PLEKHA8: variants seen among roughly 807,000 people sequenced by gnomAD.
The protein encoded by PLEKHA8 is pleckstrin homology domain containing A8.
A neutral mutation model predicts 68.2 loss-of-function variants in PLEKHA8; 36 were observed. The observed-to-expected ratio is 0.53, with a 90% CI of 0.40 to 0.70. The LOEUF (loss-of-function observed/expected upper bound fraction) is 0.70, where lower values mean the gene tolerates loss of function less well. Among genes scored for constraint, PLEKHA8 ranks in the 30% least tolerant of loss-of-function variants. The pLI, the probability that PLEKHA8 is intolerant of heterozygous loss-of-function variation, is 0.00. For missense variants in PLEKHA8, 505 were observed against 615.4 expected, an observed-to-expected ratio of 0.82 and a Z score of 1.90; for synonymous variants, 211 against 216.1, an observed-to-expected ratio of 0.98 and a Z score of 0.20.
intron 13 of PLEKHA8, among the ~76,000 whole-genome samples, chr7:30,110,814 C>T (rs1462420862): frequency 6.6e-6 from 1 of 151,724 alleles, no homozygotes; most frequent in Non-Finnish European, 1.5e-5. Context: ...AGCATCTTTT[C>T]ATGTGCTTAT....
At chr7:30,045,665 A>C (rs866568429) in intron 2 of PLEKHA8, among the ~76,000 whole-genome samples, 4 of 152,158 alleles carry the variant, frequency 2.6e-5, no homozygotes, top group Non-Finnish European at 4.4e-5. Flanking sequence ...CGGAAGAAAA[A>C]CAGATTAAAT....
rs1185675559 is a variant in PLEKHA8, at chr7:30,084,541, A to G, written c.*5754A>G. On this transcript the variant is annotated 3_prime_UTR_variant, in exon 14 of 14. Transcript: ENST00000449726. ...TTCTCTGTCCAAGTCCTTATTCTCT[A>G]TCTTGTGGGGAGGGGTGACAGGGGA... 16 of 985,172 alleles carry G rather than the reference A, an allele frequency of 1.6e-5. No homozygotes were observed. Among genetic ancestry groups the G allele is most frequent in the East Asian group, 1.1e-4 (1 of 8,826 alleles). The allele number at this position is 985,172 out of a possible 1,614,324, so 61.0% of individuals were successfully genotyped here.
intron 13 of PLEKHA8, among the ~76,000 whole-genome samples, chr7:30,110,560 C>T (rs1201891529): frequency 6.6e-6 from 1 of 152,164 alleles, no homozygotes; most frequent in African/African-American, 2.4e-5. Flanking sequence ...ATTGCTTGGT[C>T]ATATGGTAAC....
At chr7:30,085,052 C>T (rs759636471), downstream of PLEKHA8, among the ~76,000 whole-genome samples, 1 of 150,984 alleles carries the variant, frequency 6.6e-6, no homozygotes, top group Non-Finnish European at 1.5e-5. Context: ...TCAAGGGATT[C>T]TCATGCCTCA....
Position 30,081,059 on chromosome 7 carries a change from C to A in PLEKHA8, c.*2272C>A. On this transcript the variant is annotated 3_prime_UTR_variant, in exon 14 of 14. Coordinates refer to ENST00000449726, the MANE Select transcript of PLEKHA8 (RefSeq NM_001197026.2). ...TTGCCACCGCAACTCTGAATACACA[C>A]AAAAGGAAAGCTGCTCAGCATGGCC... The A allele has an allele frequency of 2.0e-6, 2 of 985,288 alleles. No individual in the cohort carries two copies. The highest frequency in any genetic ancestry group is 2.4e-6 in the Non-Finnish European group (2 of 829,912). The allele number at this position is 985,288 out of a possible 1,614,324, so 61.0% of individuals were successfully genotyped here. A position where few individuals can be genotyped will look rare whatever the true frequency, so the allele number is the denominator to read the frequency against.
downstream of PLEKHA8, among the ~76,000 whole-genome samples, chr7:30,092,481 C>T (rs974219382): frequency 3.9e-5 from 6 of 152,072 alleles, no homozygotes; most frequent in Non-Finnish European, 5.9e-5. Context: ...CTACCATTTC[C>T]TTGCCTGAGC....
At chr7:30,052,436 A>G (rs10227745) in intron 6 of PLEKHA8, among the ~76,000 whole-genome samples, 8,527 of 152,220 alleles carry the variant, frequency 0.056, 366 homozygotes, top group Middle Eastern at 0.078. Context: ...CAGGTGGTCA[A>G]GACCAACCTG....
chr7:30,067,185 C>T (rs900396900), intron 12 of PLEKHA8, among the ~76,000 whole-genome samples: 4 of 152,238 alleles, frequency 2.6e-5, no homozygotes, highest in African/African-American at 9.6e-5. Context: ...AGAGGTTACT[C>T]TCCTAGTAGC....
chr7:30,099,024 G>T (rs1795746348), intron 13 of PLEKHA8, among the ~76,000 whole-genome samples: 1 of 152,136 alleles, frequency 6.6e-6, no homozygotes. Flanking sequence ...CCAAAGTTCT[G>T]GGATTACAGG....
In PLEKHA8 at chr7:30,049,330, T is replaced by C; in HGVS notation, c.545T>C (p.Leu182Pro). Residue 182 changes from leucine to proline, a missense_variant, in exon 5 of 14, where the codon CTC (leucine) becomes CCC (proline). Leu to Pro is a moderately conservative substitution (Grantham distance 98). Coordinates refer to ENST00000449726, the MANE Select transcript of PLEKHA8 (RefSeq NM_001197026.2). ...IANAAFTSEL[L>P]YRTPPGSPQL... is the part of the protein sequence containing the mutation. Reference sequence around the variant, plus strand: ...AATGCAGCCTTCACCTCTGAGCTGCTCTACCGCACTCCACCAGGATCACCT... The same window carrying C: ...AATGCAGCCTTCACCTCTGAGCTGCCCTACCGCACTCCACCAGGATCACCT... 6.2e-7 allele frequency: 1 copy of C among 1,614,130 alleles called. No individual in the cohort carries two copies. Among genetic ancestry groups the C allele is most frequent in the Non-Finnish European group, 8.5e-7 (1 of 1,180,020 alleles).
chr7:30,104,448 T>TA, intron 13 of PLEKHA8, among the ~76,000 whole-genome samples: 1 of 152,250 alleles, frequency 6.6e-6, no homozygotes. Context: ...AGTGAACAGA[T>TA]AAACAAATTT....
rs745519303 is a variant in PLEKHA8, at chr7:30,045,170, G to C, written c.126G>C (p.Gly42=). 4 of 1,610,466 alleles carry C rather than the reference G, an allele frequency of 2.5e-6. No individual in the cohort carries two copies. The highest frequency in any genetic ancestry group is 3.4e-6 in the Non-Finnish European group (4 of 1,177,966). ...SPEDAWKGCK[G]SIQMAVCEIQ... ...AAGATGCCTGGAAAGGTTGCAAAGGGAGCATACAAATGGCAGTCTGTGAAA... is the reference window on the plus strand; with the variant it reads ...AAGATGCCTGGAAAGGTTGCAAAGGCAGCATACAAATGGCAGTCTGTGAAA... The change falls in exon 2 of 14, where the codon GGG becomes GGC. Residue 42 remains glycine (G), a synonymous_variant. Transcript: ENST00000449726.
rs530852500 is a variant in PLEKHA8, at chr7:30,055,945, CT to C, written c.1039+618del. Reference sequence around the variant, plus strand: ...ACCATACCCAACCAAAACATATTTTCTTTTTTTTTTTTTTTGAGACGGAGTC... The same window carrying C: ...ACCATACCCAACCAAAACATATTTTCTTTTTTTTTTTTTTGAGACGGAGTC... On this transcript the variant is annotated intron_variant, in intron 9 of 13. Transcript: ENST00000449726. Among the ~76,000 whole-genome samples, 141 of 136,204 alleles carry C rather than the reference CT, an allele frequency of 1.0e-3. 1 individual carries two copies. Among genetic ancestry groups the C allele is most frequent in the African/African-American group, 1.9e-3 (72 of 37,460 alleles). The allele number at this position is 136,204 out of a possible 152,430, so 89.4% of individuals were successfully genotyped here.
intron 11 of PLEKHA8, 47 bp downstream of exon 11, chr7:30,062,074 A>T: frequency 6.4e-7 from 1 of 1,567,464 alleles, no homozygotes; most frequent in Non-Finnish European, 8.6e-7. Flanking sequence ...GCTCAAAAAA[A>T]ATTACCAGCA....
At chr7:30,061,874 TTG>T (rs1228258260) in intron 10 of PLEKHA8, 21 bp from the exon 11 acceptor site, 1 of 1,612,826 alleles carries the variant, frequency 6.2e-7, no homozygotes, top group Admixed American at 1.7e-5. Flanking sequence ...TAAACTTAGG[TTG>T]TTTCCCTGCT....
chr7:30,072,929 G>C (rs1340188033), intron 12 of PLEKHA8, among the ~76,000 whole-genome samples: 1 of 152,200 alleles, frequency 6.6e-6, no homozygotes, highest in East Asian at 1.9e-4. Flanking sequence ...ATGCACCATG[G>C]TGATGTAGAT....
chr7:30,105,185 CAG>C (rs1377630539), intron 13 of PLEKHA8, among the ~76,000 whole-genome samples: 6 of 151,866 alleles, frequency 4.0e-5, no homozygotes, highest in Non-Finnish European at 5.9e-5. Flanking sequence ...AACATGTTCT[CAG>C]GGGCCGAGTG....
At chr7:30,129,267 T>C in exon 14 of PLEKHA8, 1 of 1,612,720 alleles carries the variant, frequency 6.2e-7, no homozygotes, top group Non-Finnish European at 8.5e-7. Context: ...CTGGTGTAGG[T>C]GTAGGAATGT....
At chr7:30,107,622 C>T (rs977959815) in intron 13 of PLEKHA8, among the ~76,000 whole-genome samples, 22 of 152,010 alleles carry the variant, frequency 1.4e-4, no homozygotes, top group African/African-American at 1.7e-4. Context: ...TTATTGTGTT[C>T]CTAATCTGAA....
Sources: allele counts gnomAD v4.1 joint callset (sites outside exome capture counted in the v4.1 genomes callset), GRCh38; gene constraint gnomAD v4.1.1; transcripts MANE v1.5; gene names NCBI Gene and HGNC (gene_info 2026-07-23, HGNC 2026-07-21).